The following KCNQ5 variants were observed in gnomAD, a reference collection of about 807,000 sequenced individuals.
The protein encoded by KCNQ5 is potassium voltage-gated channel subfamily KQT member 5.
In KCNQ5, 30 loss-of-function variants were observed where a neutral mutation model predicts 98.2. The observed-to-expected ratio is 0.31, with a 90% CI of 0.23 to 0.41. The LOEUF (loss-of-function observed/expected upper bound fraction) is 0.41, where lower values mean the gene tolerates loss of function less well. Ranked by LOEUF, KCNQ5 falls within the 10% of genes least tolerant of loss-of-function variation. The pLI is 1.00. For synonymous variants in KCNQ5, 458 were observed against 449.4 expected (o/e 1.02, Z -0.24); for missense variants, 835 against 1,182.5 (o/e 0.71, Z 4.31).
intron 1 of KCNQ5, among the ~76,000 whole-genome samples, chr6:72,884,631 T>G (rs906589793): frequency 6.6e-6 from 1 of 152,066 alleles, no homozygotes; most frequent in Non-Finnish European, 1.5e-5. Context: ...CTTTTTTTTT[T>G]TTTGAGACAG....
intron 7 of KCNQ5, among the ~76,000 whole-genome samples, chr6:73,118,837 A>T (rs974329856): frequency 6.6e-6 from 1 of 152,266 alleles, no homozygotes; most frequent in African/African-American, 2.4e-5. Context: ...CCTGGCCAAC[A>T]TAGTGAAACC....
intron 1 of KCNQ5, among the ~76,000 whole-genome samples, chr6:72,720,794 A>G (rs1170745654): frequency 6.6e-6 from 1 of 152,232 alleles, no homozygotes; most frequent in East Asian, 1.9e-4. Flanking sequence ...TCAAGGTCCC[A>G]GAGATAGTGG....
At chr6:72,702,313 CTGAGA>C (rs1407159694) in intron 1 of KCNQ5, among the ~76,000 whole-genome samples, 2 of 152,096 alleles carry the variant, frequency 1.3e-5, no homozygotes, top group South Asian at 2.1e-4. Flanking sequence ...TGAAGGGCTG[CTGAGA>C]TAACAGTAGG....
intron 1 of KCNQ5, among the ~76,000 whole-genome samples, chr6:72,893,454 C>T (rs1451685809): frequency 6.6e-6 from 1 of 152,152 alleles, no homozygotes; most frequent in East Asian, 1.9e-4. Context: ...GGAAGAGATG[C>T]TTTTGCAGGG....
chr6:72,676,650 C>A (rs559285521), intron 1 of KCNQ5, among the ~76,000 whole-genome samples: 71 of 149,210 alleles, frequency 4.8e-4, no homozygotes, highest in Non-Finnish European at 8.8e-4. Flanking sequence ...AATTGACCAA[C>A]ATTGCTTTTT....
intron 1 of KCNQ5, among the ~76,000 whole-genome samples, chr6:72,925,712 G>A (rs1439022760): frequency 6.6e-6 from 1 of 152,142 alleles, no homozygotes; most frequent in African/African-American, 2.4e-5. Flanking sequence ...AAGGTTGGCA[G>A]GCACCATCCA....
chr6:73,132,236 C>T (rs553607385), intron 9 of KCNQ5, among the ~76,000 whole-genome samples: 1 of 152,234 alleles, frequency 6.6e-6, no homozygotes, highest in East Asian at 1.9e-4. Flanking sequence ...CTTTCATACC[C>T]CACAAAGGCT....
At chr6:72,759,976 G>A (rs1027512171) in intron 1 of KCNQ5, among the ~76,000 whole-genome samples, 1 of 152,080 alleles carries the variant, frequency 6.6e-6, no homozygotes, top group Non-Finnish European at 1.5e-5. Context: ...GTGCAAATGA[G>A]ACAACCCTTA....
At position 73,129,831 on chromosome 6, in the gene KCNQ5, A is replaced by G. The variant is rs1320566419; in HGVS notation, c.1248-3590A>G. ...AATAAGCAGAAGCTCTTCAGAATGT[A>G]CACCTCACGGAAGCAGAGGTACCCA... On this transcript the variant is annotated intron_variant, in intron 9 of 13. Coordinates refer to ENST00000370398, the MANE Select transcript of KCNQ5 (RefSeq NM_019842.4). 3.1e-6 allele frequency: 5 copies of G among 1,613,050 alleles called. No individual in the cohort carries two copies. The South Asian group carries it at 5.5e-5, about 18-fold the overall frequency.
rs971195837 is a variant in KCNQ5 at position 72,736,967 on chromosome 6, T to TC, written c.398+114380_398+114381insC. ...ATGATGAATATAAACAAGATTTCTC[T>TC]TTTTTTTGAGATGGAGTCTCACTCA... is the stretch of plus-strand genomic sequence containing the variant. On this transcript the variant is annotated intron_variant, in intron 1 of 13. Coordinates refer to ENST00000370398, the MANE Select transcript of KCNQ5 (RefSeq NM_019842.4). Among the ~76,000 whole-genome samples the TC allele has an allele frequency of 4.5e-5, 3 of 66,844 alleles. No individual in the cohort carries two copies. In the African/African-American group the frequency reaches 6.6e-4, roughly 15 times the overall value. 43.9% of individuals were successfully genotyped at this position (66,844 alleles called of 152,430 possible).
At chr6:73,050,614 A>T (rs1278833778) in intron 3 of KCNQ5, among the ~76,000 whole-genome samples, 1 of 152,032 alleles carries the variant, frequency 6.6e-6, no homozygotes, top group Non-Finnish European at 1.5e-5. Context: ...TTTTATATAC[A>T]CTCCTATAAA....
chr6:72,742,771 C>G (rs1319928855), intron 1 of KCNQ5, among the ~76,000 whole-genome samples: 3 of 152,112 alleles, frequency 2.0e-5, no homozygotes, highest in Non-Finnish European at 4.4e-5. Flanking sequence ...TTAGGCCATG[C>G]CCTTGAGTTG....
At chr6:72,761,811 A>G (rs1376833686) in intron 1 of KCNQ5, among the ~76,000 whole-genome samples, 2 of 152,064 alleles carry the variant, frequency 1.3e-5, no homozygotes, top group African/African-American at 4.8e-5. Flanking sequence ...CAGCTCACCA[A>G]ACACATCATG....
In KCNQ5 at chr6:73,084,423, T is replaced by C. The variant is rs148386782; in HGVS notation, c.918+6536T>C. 6.5e-4 allele frequency among the ~76,000 whole-genome samples: 99 copies of C among 152,330 alleles called. 1 individual carries two copies. Among genetic ancestry groups the C allele is most frequent in the African/African-American group, 2.4e-3 (99 of 41,570 alleles). ...TCAGCTCTGGCTCTTTAACTTCATT[T>C]GGCCCATATTACTGTGTTAACTGTA... On this transcript the variant is annotated intron_variant, in intron 5 of 13. Transcript: ENST00000370398.
At chr6:72,969,799 G>A (rs1767788408) in intron 1 of KCNQ5, among the ~76,000 whole-genome samples, 1 of 152,086 alleles carries the variant, frequency 6.6e-6, no homozygotes, top group South Asian at 2.1e-4. Flanking sequence ...CCCTATTTCT[G>A]TTACTGTTGA....
At chr6:72,846,977 A>G (rs1777048792) in intron 1 of KCNQ5, among the ~76,000 whole-genome samples, 1 of 152,194 alleles carries the variant, frequency 6.6e-6, no homozygotes, top group Non-Finnish European at 1.5e-5. Context: ...TTTAAAGTCC[A>G]TATGTGAAAC....
rs138377750 is a variant in KCNQ5 at position 73,042,858 on chromosome 6, C to CTAT, written c.616+810_616+812dup. On this transcript the variant is annotated intron_variant, in intron 3 of 13. Coordinates refer to ENST00000370398, the MANE Select transcript of KCNQ5 (RefSeq NM_019842.4). ...AAATGGAAAAGTCTATATATAAAAG[C>CTAT]TATTATTATTATTATTTAGTAGCTA... is the stretch of plus-strand genomic sequence containing the variant. Among the ~76,000 whole-genome samples the CTAT allele has an allele frequency of 9.8e-3, 1,494 of 152,020 alleles. 10 individuals carry two copies. The highest frequency in any genetic ancestry group is 0.047 in the East Asian group (245 of 5,184).
intron 1 of KCNQ5, among the ~76,000 whole-genome samples, chr6:72,647,387 G>A (rs1765646413): frequency 6.6e-6 from 1 of 151,188 alleles, no homozygotes; most frequent in Non-Finnish European, 1.5e-5. Context: ...AAGAAACCAT[G>A]CATTAAGAAG....
intron 1 of KCNQ5, among the ~76,000 whole-genome samples, chr6:72,749,808 T>C (rs1215857358): frequency 1.3e-5 from 2 of 152,130 alleles, no homozygotes; most frequent in East Asian, 1.9e-4. Flanking sequence ...GTTTTTCTTT[T>C]CATAGGACCT....
Sources: allele counts gnomAD v4.1 joint callset (sites outside exome capture counted in the v4.1 genomes callset), GRCh38; gene constraint gnomAD v4.1.1; transcripts MANE v1.5; gene names NCBI Gene and HGNC (gene_info 2026-07-23, HGNC 2026-07-21).